Variants in PRPF4 observed in about 807,000 individuals in gnomAD.
PRPF4 encodes pre-mRNA splicing tri-snRNP complex factor PRPF4.
Under a neutral mutation model 72.2 loss-of-function variants are expected in PRPF4, and 14 were observed. That is an observed-to-expected ratio of 0.19 (90% CI 0.13 to 0.30). PRPF4 has a LOEUF of 0.30. Ranked by LOEUF, PRPF4 falls within the 10% of genes least tolerant of loss-of-function variation. The pLI is 1.00. For synonymous variants in PRPF4, 225 were observed against 232.2 expected (o/e 0.97, Z 0.28); for missense variants, 478 against 653.9 (o/e 0.73, Z 2.93).
chr9:113,286,356 C>T, intron 8 of PRPF4, 66 bp downstream of exon 8: 1 of 1,383,010 alleles, frequency 7.2e-7, no homozygotes, highest in Non-Finnish European at 1.0e-6. Flanking sequence ...GCCTTAAACT[C>T]TGCTTGACAC....
chr9:113,284,053 G>A (rs1487224518), intron 6 of PRPF4, among the ~76,000 whole-genome samples: 1 of 133,788 alleles, frequency 7.5e-6, no homozygotes. Flanking sequence ...GGGCAACACA[G>A]CAAGACTCTG....
chr9:113,277,158 A>G (rs1196459645), intron 2 of PRPF4, among the ~76,000 whole-genome samples: 4 of 151,804 alleles, frequency 2.6e-5, no homozygotes, highest in Non-Finnish European at 4.4e-5. Flanking sequence ...TATTTTGCCT[A>G]CCCCCTTATT....
In PRPF4 at chr9:113,286,144, GAA is replaced by G. The variant is rs1254855578; in HGVS notation, c.750-87_750-86del. The G allele has an allele frequency of 2.1e-6, 3 of 1,409,638 alleles. No homozygotes were observed. The African/African-American group carries it at 4.3e-5, about 20-fold the overall frequency. The allele number at this position is 1,409,638 out of a possible 1,614,324, so 87.3% of individuals were successfully genotyped here. A position where few individuals can be genotyped will look rare whatever the true frequency, so the allele number is the denominator to read the frequency against. ...CCATTGTAAAGTTTATTGGGGGTGAGAAGAGATTGTCCTTTAGTAATATTACC... is the reference window on the plus strand; with the variant it reads ...CCATTGTAAAGTTTATTGGGGGTGAGGAGATTGTCCTTTAGTAATATTACC... On this transcript the variant is annotated intron_variant, in intron 7 of 13. Transcript: ENST00000374198.
At position 113,275,698 on chromosome 9, in the gene PRPF4, G is replaced by C. The variant is rs377644636; in HGVS notation, c.-46G>C. ...TGGGCGCGCGGTGGACGGTCTGAAA[G>C]GGAGTGTTCGGGTTTCGCTGGGGCC... On this transcript the variant is annotated 5_prime_UTR_variant, in exon 1 of 14. Transcript: ENST00000374198. The C allele has an allele frequency of 6.2e-7, 1 of 1,601,798 alleles. No individual in the cohort carries two copies. Among genetic ancestry groups the C allele is most frequent in the Non-Finnish European group, 8.5e-7 (1 of 1,174,102 alleles).
rs947155620 is a variant in PRPF4, at chr9:113,292,373, G to A, written c.*713G>A. ...CAGAGAGCAAGGTGGCTGAACTATA[G>A]TCTGGAAGCCCTCAGGTAAAGAGGC... is the stretch of plus-strand genomic sequence containing the variant. On this transcript the variant is annotated 3_prime_UTR_variant, in exon 14 of 14. Transcript: ENST00000374198. The A allele has an allele frequency of 5.3e-5, 8 of 152,186 alleles. No individual in the cohort carries two copies. The highest frequency in any genetic ancestry group is 9.7e-5 in the African/African-American group (4 of 41,436). 9.4% of individuals were successfully genotyped at this position (152,186 alleles called of 1,614,324 possible).
At chr9:113,280,351 A>G (rs1245462338) in intron 3 of PRPF4, among the ~76,000 whole-genome samples, 1 of 152,150 alleles carries the variant, frequency 6.6e-6, no homozygotes, top group African/African-American at 2.4e-5. Flanking sequence ...CTCCCATGGC[A>G]TCATTCACTG....
At chr9:113,290,438 G>T (rs1285016999) in intron 10 of PRPF4, 28 bp from the exon 11 acceptor site, 1 of 1,613,926 alleles carries the variant, frequency 6.2e-7, no homozygotes, top group South Asian at 1.1e-5. Flanking sequence ...ATATCAGCTG[G>T]TTGATTGTTA....
At chr9:113,287,867 A>G (rs1167737802) in intron 9 of PRPF4, among the ~76,000 whole-genome samples, 1 of 152,232 alleles carries the variant, frequency 6.6e-6, no homozygotes, top group East Asian at 1.9e-4. Flanking sequence ...TCTATTTAGG[A>G]GTTCCTTTTT....
intron 3 of PRPF4, 72 bp downstream of exon 3, chr9:113,279,203 ATT>A: frequency 1.5e-6 from 2 of 1,331,062 alleles, no homozygotes; most frequent in East Asian, 5.0e-5. Flanking sequence ...TTGGTTGATC[ATT>A]TAGTTGAACT....
intron 7 of PRPF4, among the ~76,000 whole-genome samples, chr9:113,285,889 A>T (rs1832435300): frequency 6.6e-6 from 1 of 152,092 alleles, no homozygotes; most frequent in South Asian, 2.1e-4. Flanking sequence ...AATACTTTGT[A>T]ATCAGCAAAA....
Position 113,275,659 on chromosome 9 carries a change from C to G in PRPF4, c.-85C>G. 6.7e-7 allele frequency: 1 copy of G among 1,490,314 alleles called. No individual in the cohort carries two copies. Among genetic ancestry groups the G allele is most frequent in the South Asian group, 1.2e-5 (1 of 81,882 alleles). 92.3% of individuals were successfully genotyped at this position (1,490,314 alleles called of 1,614,324 possible). A position where few individuals can be genotyped will look rare whatever the true frequency, so the allele number is the denominator to read the frequency against. ...AGTGACGCACTTCCTGTCAGTGACG[C>G]ACTTCCCCTCTGCTGGGCGCGCGGT... is the stretch of plus-strand genomic sequence containing the variant. On this transcript the variant is annotated 5_prime_UTR_variant, in exon 1 of 14. Coordinates refer to ENST00000374198, the MANE Select transcript of PRPF4 (RefSeq NM_001244926.2).
chr9:113,291,097 C>G, intron 13 of PRPF4, 81 bp downstream of exon 13: 1 of 1,354,394 alleles, frequency 7.4e-7, no homozygotes, highest in Non-Finnish European at 1.1e-6. Context: ...CAGGCTTTAG[C>G]TTAACTGAGC....
intron 2 of PRPF4, 39 bp from the exon 3 acceptor site, chr9:113,278,906 A>G (rs1292585926): frequency 1.3e-6 from 2 of 1,595,434 alleles, no homozygotes; most frequent in Non-Finnish European, 1.7e-6. Flanking sequence ...TCTCTATTTG[A>G]AGAAGATCTG....
intron 3 of PRPF4, among the ~76,000 whole-genome samples, chr9:113,280,843 T>C (rs1184419729): frequency 2.0e-5 from 3 of 152,112 alleles, no homozygotes; most frequent in Non-Finnish European, 4.4e-5. Flanking sequence ...CTTTTTTTCT[T>C]CCTTTTTTTT....
chr9:113,282,625 C>CTTTTTT, intron 3 of PRPF4, 21 bp from the exon 4 acceptor site: 1 of 1,257,040 alleles, frequency 8.0e-7, no homozygotes, highest in Non-Finnish European at 1.1e-6. Context: ...AAATTCTGAT[C>CTTTTTT]TTTTTTTTTT....
At chr9:113,277,789 C>T (rs1318967948) in intron 2 of PRPF4, among the ~76,000 whole-genome samples, 1 of 152,116 alleles carries the variant, frequency 6.6e-6, no homozygotes, top group Non-Finnish European at 1.5e-5. Context: ...CTGGCTTGAG[C>T]CCAGGAATCC....
chr9:113,279,925 G>A (rs1832224254), intron 3 of PRPF4, among the ~76,000 whole-genome samples: 1 of 152,116 alleles, frequency 6.6e-6, no homozygotes, highest in Non-Finnish European at 1.5e-5. Context: ...CTTAGTTGTG[G>A]TCTAGTCACA....
chr9:113,286,397 G>C, intron 8 of PRPF4, 107 bp downstream of exon 8: 1 of 1,123,366 alleles, frequency 8.9e-7, no homozygotes, highest in Non-Finnish European at 1.3e-6. Flanking sequence ...ATTAATCCTT[G>C]ATTTGATTTG....
intron 10 of PRPF4, among the ~76,000 whole-genome samples, chr9:113,288,997 T>C (rs916348950): frequency 6.6e-6 from 1 of 152,220 alleles, no homozygotes; most frequent in Non-Finnish European, 1.5e-5. Flanking sequence ...TCTGTCAATA[T>C]AGAGAATAGT....
Sources: allele counts gnomAD v4.1 joint callset (sites outside exome capture counted in the v4.1 genomes callset), GRCh38; gene constraint gnomAD v4.1.1; transcripts MANE v1.5; gene names NCBI Gene and HGNC (gene_info 2026-07-23, HGNC 2026-07-21).